Variants in THAP6 observed in about 807,000 individuals in gnomAD.
The protein encoded by THAP6 is THAP domain containing 6, also known as THAP domain-containing protein 6.
A neutral mutation model predicts 20.0 loss-of-function variants in THAP6; 13 were observed. The ratio of observed to expected loss-of-function variants is 0.65; its 90% CI spans 0.42 to 1.03. The LOEUF is 1.03. THAP6 is among the 50% of genes least tolerant of loss of function. The probability of loss-of-function intolerance (pLI) is 0.00; values close to 1 mark genes in which losing one functional copy is unlikely to be tolerated. For missense variants in THAP6, 262 were observed against 261.6 expected (o/e 1.00, Z -0.01); for synonymous variants, 93 against 92.2 (o/e 1.01, Z -0.05).
intron 3 of THAP6, 114 bp downstream of exon 3, chr4:75,517,093 A>G: frequency 1.4e-6 from 1 of 738,668 alleles, no homozygotes; most frequent in Non-Finnish European, 2.1e-6. Flanking sequence ...ATCTCAGCTC[A>G]CTGCAATCTC....
intron 4 of THAP6, among the ~76,000 whole-genome samples, chr4:75,525,792 T>A (rs1172679786): frequency 1.3e-5 from 2 of 152,210 alleles, no homozygotes; most frequent in East Asian, 3.8e-4. Context: ...CAAGACTGTT[T>A]TGCATACTTA....
At chr4:75,546,634 C>T (rs1012952358) in intron 3 of THAP6, among the ~76,000 whole-genome samples, 5 of 152,116 alleles carry the variant, frequency 3.3e-5, no homozygotes, top group Non-Finnish European at 7.4e-5. Context: ...AAGGAAGTAC[C>T]TCATGCAGTT....
rs770187364 is a variant in THAP6, at chr4:75,516,869, G to A, written c.178G>A (p.Val60Met). The A allele has an allele frequency of 6.2e-7, 1 of 1,614,106 alleles. No homozygotes were observed. The highest frequency in any genetic ancestry group is 8.5e-7 in the Non-Finnish European group (1 of 1,180,008). ...AGIWEPKKGD[V>M]LCSRHFKKTD... ...CATTTGGGAGCCTAAAAAAGGAGATGTGTTGTGTTCGAGGCACTTTAAGAA... is the reference window on the plus strand; with the variant it reads ...CATTTGGGAGCCTAAAAAAGGAGATATGTTGTGTTCGAGGCACTTTAAGAA... Residue 60 changes from valine (V) to methionine (M), a missense_variant, in exon 3 of 5, where the codon GTG (valine) becomes ATG (methionine). Val to Met is a conservative substitution (Grantham distance 21). Coordinates refer to ENST00000311638, the MANE Select transcript of THAP6 (RefSeq NM_144721.6).
At chr4:75,521,082 C>T (rs1417027750) in intron 3 of THAP6, among the ~76,000 whole-genome samples, 1 of 151,722 alleles carries the variant, frequency 6.6e-6, no homozygotes, top group East Asian at 1.9e-4. Flanking sequence ...ACATTCCTTC[C>T]CAGTTACTTT....
chr4:75,515,834 A>G (rs895497797), intron 2 of THAP6, among the ~76,000 whole-genome samples: 2 of 152,248 alleles, frequency 1.3e-5, no homozygotes, highest in Non-Finnish European at 2.9e-5. Context: ...TGTTGTTTAC[A>G]TGTAGTTTAC....
chr4:75,524,224 C>T (rs931462564), intron 4 of THAP6, among the ~76,000 whole-genome samples: 13 of 152,248 alleles, frequency 8.5e-5, no homozygotes, highest in African/African-American at 3.1e-4. Flanking sequence ...CGTATACTTT[C>T]GTTTTTCCTT....
intron 4 of THAP6, among the ~76,000 whole-genome samples, chr4:75,525,213 C>T (rs1247901023): frequency 6.6e-6 from 1 of 152,038 alleles, no homozygotes; most frequent in Non-Finnish European, 1.5e-5. Context: ...ATGATTTCTT[C>T]AAATATTTCT....
Position 75,529,741 on chromosome 4 carries a change from CTCTAG to C in THAP6, c.*2528_*2532del, listed in dbSNP as rs1726604935. 1.0e-6 allele frequency: 1 copy of C among 985,254 alleles called. No individual in the cohort carries two copies. The highest frequency in any genetic ancestry group is 6.2e-5 in the Admixed American group (1 of 16,248). 61.0% of individuals were successfully genotyped at this position (985,254 alleles called of 1,614,324 possible). A position where few individuals can be genotyped will look rare whatever the true frequency, so the allele number is the denominator to read the frequency against. On this transcript the variant is annotated 3_prime_UTR_variant, in exon 5 of 5. Coordinates refer to ENST00000311638, the MANE Select transcript of THAP6 (RefSeq NM_144721.6). ...CTTTGCTTTAAAAGCTAGGAGTGGCCTCTAGAGCCAGGAACACATTAATACAACAG... is the reference window on the plus strand; with the variant it reads ...CTTTGCTTTAAAAGCTAGGAGTGGCCAGCCAGGAACACATTAATACAACAG...
intron 4 of THAP6, among the ~76,000 whole-genome samples, chr4:75,525,950 T>C (rs1726337745): frequency 1.3e-5 from 2 of 152,234 alleles, no homozygotes; most frequent in African/African-American, 2.4e-5. Flanking sequence ...CTCCATGGAA[T>C]ACTCAAAGGG....
intron 2 of THAP6, among the ~76,000 whole-genome samples, 163 bp from the exon 3 acceptor site, chr4:75,516,609 G>T (rs1367764679): frequency 2.0e-5 from 3 of 152,132 alleles, no homozygotes; most frequent in Non-Finnish European, 4.4e-5. Context: ...TATTAAAACG[G>T]AAAGTAACAA....
downstream of THAP6, chr4:75,530,154 A>G: frequency 1.2e-6 from 1 of 823,188 alleles, no homozygotes; most frequent in Non-Finnish European, 1.5e-6. Flanking sequence ...CTGCAAGGTT[A>G]GATGACCCAC....
chr4:75,533,777 T>C (rs1395162940), downstream of THAP6, among the ~76,000 whole-genome samples: 1 of 152,136 alleles, frequency 6.6e-6, no homozygotes, highest in African/African-American at 2.4e-5. Flanking sequence ...TTTTTTTTAT[T>C]ATACTTTAAG....
intron 4 of THAP6, among the ~76,000 whole-genome samples, chr4:75,522,828 T>C (rs996406492): frequency 1.3e-5 from 2 of 152,254 alleles, no homozygotes; most frequent in East Asian, 3.8e-4. Flanking sequence ...ACATTTTCTT[T>C]ATCCATTCAT....
intron 2 of THAP6, among the ~76,000 whole-genome samples, chr4:75,540,932 G>C (rs1726985038): frequency 6.6e-6 from 1 of 152,076 alleles, no homozygotes; most frequent in Non-Finnish European, 1.5e-5. Flanking sequence ...CTTGATTATT[G>C]AGATGTACAA....
At chr4:75,523,800 CAAAA>C (rs74684663) in intron 4 of THAP6, among the ~76,000 whole-genome samples, 1 of 72,742 alleles carries the variant, frequency 1.4e-5, no homozygotes. Flanking sequence ...GAACCTGTCT[CAAAA>C]AAAAAAAAAA....
chr4:75,523,800 CAAAAAAAA>C (rs74684663), intron 4 of THAP6, among the ~76,000 whole-genome samples: 1 of 72,746 alleles, frequency 1.4e-5, no homozygotes, highest in Non-Finnish European at 3.1e-5. Flanking sequence ...GAACCTGTCT[CAAAAAAAA>C]AAAAAAAAAA....
intron 3 of THAP6, among the ~76,000 whole-genome samples, chr4:75,518,296 AAAAAT>A (rs1409641970): frequency 6.6e-6 from 1 of 152,264 alleles, no homozygotes; most frequent in Non-Finnish European, 1.5e-5. Flanking sequence ...TTATAGGAGC[AAAAAT>A]AAAATAATCA....
rs150162097 is a variant in THAP6 at position 75,527,335 on chromosome 4, T to C, written c.*121T>C. 1 of 1,494,698 alleles carries C rather than the reference T, an allele frequency of 6.7e-7. No individual in the cohort carries two copies. The highest frequency in any genetic ancestry group is 2.3e-5 in the East Asian group (1 of 43,268). The allele number at this position is 1,494,698 out of a possible 1,614,324, so 92.6% of individuals were successfully genotyped here. On this transcript the variant is annotated 3_prime_UTR_variant, in exon 5 of 5. Coordinates refer to ENST00000311638, the MANE Select transcript of THAP6 (RefSeq NM_144721.6). Reference sequence around the variant, plus strand: ...TGCTGCTTTGGATTCTCTGGAGCATTATGCATTATAGTTGTTATCCAAAGA... The same window carrying C: ...TGCTGCTTTGGATTCTCTGGAGCATCATGCATTATAGTTGTTATCCAAAGA...
At chr4:75,524,505 C>T (rs1343784102) in intron 4 of THAP6, among the ~76,000 whole-genome samples, 2 of 152,062 alleles carry the variant, frequency 1.3e-5, no homozygotes, top group South Asian at 4.1e-4. Flanking sequence ...TGAATTCTTT[C>T]AGTATTTCTG....
Sources: gnomAD v4.1 joint callset for allele counts (sites outside exome capture counted in the v4.1 genomes callset) on GRCh38, gnomAD v4.1.1 for gene constraint, MANE v1.5 for transcripts, NCBI Gene and HGNC (gene_info 2026-07-23, HGNC 2026-07-21) for gene names.